The following NCOA3 variants were observed in gnomAD, a reference collection of about 807,000 sequenced individuals.
NCOA3 encodes the protein nuclear receptor coactivator 3, also known as CBP-interacting protein.
Under a neutral mutation model 158.8 loss-of-function variants are expected in NCOA3, and 51 were observed. The ratio of observed to expected loss-of-function variants is 0.32; its 90% CI spans 0.26 to 0.41. The LOEUF (loss-of-function observed/expected upper bound fraction) is 0.41. NCOA3 is among the 10% of genes least tolerant of loss of function. The pLI is 1.00. For synonymous variants in NCOA3, 537 were observed against 592.4 expected, an observed-to-expected ratio of 0.91 and a Z score of 1.36; for missense variants, 1,510 against 1,746.6, an observed-to-expected ratio of 0.86 and a Z score of 2.41.
rs72645264 is a variant in NCOA3 at position 47,632,752 on chromosome 20, G to A, written c.824-744G>A. Reference sequence around the variant, plus strand: ...GGCCGGAGTGCGGTGGCATGATCTCGGCTCACTGCAACCTCCGCCTGCCAG... The same window carrying A: ...GGCCGGAGTGCGGTGGCATGATCTCAGCTCACTGCAACCTCCGCCTGCCAG... On this transcript the variant is annotated intron_variant, in intron 8 of 22. Transcript: ENST00000371998. Among the ~76,000 whole-genome samples the A allele has an allele frequency of 4.1e-3, 607 of 148,408 alleles. 3 individuals are homozygous for A. Among genetic ancestry groups the A allele is most frequent in the Non-Finnish European group, 5.7e-3 (383 of 67,130 alleles).
rs772377805 is a variant in NCOA3, at chr20:47,651,196, C to T, written c.3866C>T (p.Ser1289Phe). 5.6e-6 allele frequency: 9 copies of T among 1,613,938 alleles called. No individual in the cohort carries two copies. The highest frequency in any genetic ancestry group is 2.7e-5 in the African/African-American group (2 of 74,872). ...AGCCCACCTCCTAATGTGACTGCTT[C>T]CCCCAGCATGGATGGGCTTTTGGCA... is the stretch of plus-strand genomic sequence containing the variant. Reference protein sequence around the residue: ...AFSPPPNVTASPSMDGLLAGP... With the variant: ...AFSPPPNVTAFPSMDGLLAGP... The change falls in exon 20 of 23, where the codon TCC becomes TTC. Residue 1289 changes from serine (S) to phenylalanine (F), a missense_variant. Ser to Phe is a radical substitution (Grantham distance 155, BLOSUM62 -2). Around this residue, in one of 4 missense-constraint regions of NCOA3, gnomAD observed 180 missense variants for 199.3 expected, o/e 0.90. Coordinates refer to ENST00000371998, the MANE Select transcript of NCOA3 (RefSeq NM_181659.3).
At chr20:47,502,125 C>T (rs895413697) in intron 1 of NCOA3, 106 bp downstream of exon 1, 1 of 398,502 alleles carries the variant, frequency 2.5e-6, no homozygotes, top group Non-Finnish European at 4.4e-6. Flanking sequence ...GGCTTCAGAT[C>T]TGCCAAGGCA....
chr20:47,516,250 TA>T (rs1317361798), intron 1 of NCOA3, among the ~76,000 whole-genome samples: 4 of 152,110 alleles, frequency 2.6e-5, no homozygotes, highest in Non-Finnish European at 1.5e-5. Context: ...GGGATGGTGA[TA>T]GGGGAGGCTA....
intron 20 of NCOA3, among the ~76,000 whole-genome samples, chr20:47,651,608 G>A (rs2086795458): frequency 6.6e-6 from 1 of 152,112 alleles, no homozygotes; most frequent in Non-Finnish European, 1.5e-5. Context: ...GCTTGGTCAA[G>A]TCAGTGAGAG....
In NCOA3 at chr20:47,563,796, C is replaced by T. The variant is rs140983135; in HGVS notation, c.-98-19387C>T. 3.4e-5 allele frequency among the ~76,000 whole-genome samples: 5 copies of T among 148,346 alleles called. No homozygotes were observed. The East Asian group carries it at 6.0e-4, about 18-fold the overall frequency. On this transcript the variant is annotated intron_variant, in intron 1 of 22. Coordinates refer to ENST00000371998, the MANE Select transcript of NCOA3 (RefSeq NM_181659.3). ...CCCAGCTACTCAGGAAGCTGAGGCA[C>T]GAGAATCTCTTGAACCTGGGAGGCG... is the stretch of plus-strand genomic sequence containing the variant.
intron 1 of NCOA3, among the ~76,000 whole-genome samples, chr20:47,571,608 C>T (rs1481013613): frequency 6.6e-6 from 1 of 151,948 alleles, no homozygotes. Context: ...AGCAGTAGGT[C>T]TCAACAGTGG....
chr20:47,637,536 A>G (rs1427654640), intron 12 of NCOA3, 112 bp from the exon 13 acceptor site: 2 of 790,668 alleles, frequency 2.5e-6, no homozygotes, highest in African/African-American at 3.6e-5. Flanking sequence ...CATTGTAGGT[A>G]GTTTTTGTAT....
At chr20:47,611,470 G>C (rs1217766727) in intron 2 of NCOA3, among the ~76,000 whole-genome samples, 1 of 152,156 alleles carries the variant, frequency 6.6e-6, no homozygotes, top group African/African-American at 2.4e-5. Flanking sequence ...ACAAACCCCA[G>C]AGGTAAAAAA....
chr20:47,633,382 G>T, intron 8 of NCOA3, 114 bp from the exon 9 acceptor site: 1 of 1,018,150 alleles, frequency 9.8e-7, no homozygotes, highest in East Asian at 2.6e-5. Flanking sequence ...CAGAGAAGGT[G>T]GAGCAAAGAT....
intron 2 of NCOA3, among the ~76,000 whole-genome samples, chr20:47,585,493 G>A (rs938943931): frequency 6.6e-6 from 1 of 152,118 alleles, no homozygotes; most frequent in South Asian, 2.1e-4. Flanking sequence ...TGAAATCTGA[G>A]TTGTCTTTGA....
chr20:47,607,626 G>C (rs1568721802), intron 2 of NCOA3, among the ~76,000 whole-genome samples: 1 of 152,028 alleles, frequency 6.6e-6, no homozygotes, highest in Non-Finnish European at 1.5e-5. Context: ...ATTTTCTCTT[G>C]TTAATTTGTC....
At chr20:47,525,624 ACCTC>A (rs1242824465) in intron 1 of NCOA3, among the ~76,000 whole-genome samples, 1 of 89,138 alleles carries the variant, frequency 1.1e-5, no homozygotes, top group Non-Finnish European at 2.1e-5. Context: ...TGACCCCCCC[ACCTC>A]CCTCCCGGAC....
At chr20:47,602,165 T>TAA (rs2146261918) in intron 2 of NCOA3, among the ~76,000 whole-genome samples, 1 of 152,354 alleles carries the variant, frequency 6.6e-6, no homozygotes, top group African/African-American at 2.4e-5. Flanking sequence ...CTATTACAAA[T>TAA]AATGTAACAC....
chr20:47,536,947 G>A (rs530943258), intron 1 of NCOA3, among the ~76,000 whole-genome samples: 9 of 151,858 alleles, frequency 5.9e-5, no homozygotes, highest in Admixed American at 1.3e-4. Flanking sequence ...GGGATTACAG[G>A]TGTGCGCCAC....
At chr20:47,599,208 T>G (rs2425979) in intron 2 of NCOA3, among the ~76,000 whole-genome samples, 70,389 of 151,986 alleles carry the variant, frequency 0.46, 16,842 homozygotes, top group Middle Eastern at 0.59. Context: ...GCTACAATGT[T>G]GATGTATTTG....
intron 14 of NCOA3, 64 bp downstream of exon 14, chr20:47,639,266 C>A: frequency 7.5e-7 from 1 of 1,325,952 alleles, no homozygotes; most frequent in South Asian, 1.3e-5. Flanking sequence ...ATACTTAAAG[C>A]CATCTAAATA....
At chr20:47,553,362 G>A (rs1012719967) in intron 1 of NCOA3, among the ~76,000 whole-genome samples, 2 of 151,896 alleles carry the variant, frequency 1.3e-5, no homozygotes, top group Admixed American at 1.3e-4. Flanking sequence ...TGCAGTGTCC[G>A]ATCAAGATAC....
intron 1 of NCOA3, among the ~76,000 whole-genome samples, chr20:47,546,788 C>A (rs796365589): frequency 6.6e-5 from 10 of 152,174 alleles, no homozygotes; most frequent in African/African-American, 2.4e-4. Context: ...GCCCTGGCCT[C>A]CCAAAGTGCT....
chr20:47,578,276 A>G (rs550200983), intron 1 of NCOA3, among the ~76,000 whole-genome samples: 2 of 151,540 alleles, frequency 1.3e-5, no homozygotes, highest in East Asian at 1.9e-4. Flanking sequence ...ACCTCTGCCT[A>G]CGGGGTTCAA....
Sources: gnomAD v4.1 joint callset for allele counts (sites outside exome capture counted in the v4.1 genomes callset) on GRCh38, gnomAD v4.1.1 for gene constraint, gnomAD v4.1.1 regional missense constraint, MANE v1.5 for transcripts, NCBI Gene and HGNC (gene_info 2026-07-23, HGNC 2026-07-21) for gene names.